Variants in CTTN observed in about 807,000 individuals in gnomAD.
CTTN encodes the protein src substrate cortactin.
A neutral mutation model predicts 84.0 loss-of-function variants in CTTN; 28 were observed. The ratio of observed to expected loss-of-function variants is 0.33; its 90% CI spans 0.25 to 0.46. The LOEUF (loss-of-function observed/expected upper bound fraction) is 0.46. Among genes scored for constraint, CTTN ranks in the 20% least tolerant of loss-of-function variants. The pLI is 1.00. For synonymous variants in CTTN, 301 were observed against 288.8 expected, an observed-to-expected ratio of 1.04 and a Z score of -0.43; for missense variants, 641 against 723.8, an observed-to-expected ratio of 0.89 and a Z score of 1.31.
chr11:70,409,989 G>A (rs750904376), intron 5 of CTTN, 29 bp downstream of exon 5: 6 of 1,613,186 alleles, frequency 3.7e-6, no homozygotes, highest in Middle Eastern at 1.6e-4. Context: ...CCTATGCCAG[G>A]CTCCTGGTGT....
At chr11:70,415,927 T>C (rs2058153124) in intron 7 of CTTN, 1 of 565,822 alleles carries the variant, frequency 1.8e-6, no homozygotes, top group Non-Finnish European at 3.2e-6. Context: ...ACATGATGGA[T>C]GTATTCCCCG....
chr11:70,421,410 C>A, intron 10 of CTTN, 60 bp from the exon 11 acceptor site: 1 of 1,255,794 alleles, frequency 8.0e-7, no homozygotes, highest in Non-Finnish European at 1.2e-6. Flanking sequence ...TCATGCAATT[C>A]TAACCCAACT....
chr11:70,421,993 A>G (rs547787256), intron 11 of CTTN: 18 of 214,062 alleles, frequency 8.4e-5, no homozygotes, highest in Non-Finnish European at 2.8e-5. Context: ...ACCACTGGCC[A>G]TTTGACCAGG....
chr11:70,406,008 G>A (rs893049279), intron 2 of CTTN, among the ~76,000 whole-genome samples: 2 of 152,220 alleles, frequency 1.3e-5, no homozygotes, highest in African/African-American at 2.4e-5. Context: ...AAATGGGCGC[G>A]TTGGGACAAG....
In CTTN at chr11:70,409,836, A is replaced by G. The variant is rs1045758838; in HGVS notation, c.167A>G (p.His56Arg). ...TTTTCATCTCTTCCATCAAGCATACACAAGCTGAGGGAGAATGTCTTTCAA... is the reference window on the plus strand; with the variant it reads ...TTTTCATCTCTTCCATCAAGCATACGCAAGCTGAGGGAGAATGTCTTTCAA... ...GSGHQEHINI[H>R]KLRENVFQEH... Residue 56 changes from histidine to arginine, a missense_variant, in exon 5 of 18, where the codon CAC becomes CGC. Around this residue, in one of 3 missense-constraint regions of CTTN, gnomAD observed 284 missense variants for 348.4 expected, o/e 0.82. Transcript: ENST00000301843. 1 of 1,614,118 alleles carries G rather than the reference A, an allele frequency of 6.2e-7. No individual in the cohort carries two copies. Among genetic ancestry groups the G allele is most frequent in the Non-Finnish European group, 8.5e-7 (1 of 1,179,978 alleles).
chr11:70,424,967 C>T (rs529075624), intron 12 of CTTN, among the ~76,000 whole-genome samples: 2 of 152,216 alleles, frequency 1.3e-5, no homozygotes, highest in African/African-American at 2.4e-5. Context: ...GTGTGTAGGA[C>T]GGGCCACTGG....
chr11:70,431,160 C>T, intron 14 of CTTN, 31 bp from the exon 15 acceptor site: 1 of 1,602,758 alleles, frequency 6.2e-7, no homozygotes, highest in African/African-American at 1.3e-5. Flanking sequence ...GTCATGGCAG[C>T]ATTCTGATTG....
chr11:70,426,252 A>C (rs2058299182), intron 13 of CTTN, among the ~76,000 whole-genome samples: 1 of 152,070 alleles, frequency 6.6e-6, no homozygotes, highest in Admixed American at 6.6e-5. Context: ...CTAAAAATAC[A>C]AAAACAAAAT....
chr11:70,422,415 A>G (rs2058247999), intron 11 of CTTN: 4 of 1,004,306 alleles, frequency 4.0e-6, no homozygotes, highest in South Asian at 1.3e-5. Context: ...TCACTGCTGC[A>G]TGACAGTGTG....
At chr11:70,405,855 G>A (rs781379347) in intron 2 of CTTN, among the ~76,000 whole-genome samples, 12 of 152,240 alleles carry the variant, frequency 7.9e-5, no homozygotes, top group African/African-American at 4.8e-5. Context: ...ATCCTTTCTT[G>A]CAGCCACCTT....
At chr11:70,420,047 T>TA in intron 9 of CTTN, 191 bp downstream of exon 9, 1 of 614,594 alleles carries the variant, frequency 1.6e-6, no homozygotes, top group Non-Finnish European at 2.9e-6. Flanking sequence ...GCTTGAGTGT[T>TA]ATGGCGCTCC....
intron 6 of CTTN, among the ~76,000 whole-genome samples, chr11:70,415,106 T>C (rs1463498186): frequency 2.0e-5 from 3 of 152,296 alleles, no homozygotes; most frequent in East Asian, 3.9e-4. Flanking sequence ...CTGTTGGCTC[T>C]TTTGTTTAAT....
Position 70,435,080 on chromosome 11 carries a change from T to C in CTTN, c.1571T>C (p.Met524Thr). 1 of 1,613,986 alleles carries C rather than the reference T, an allele frequency of 6.2e-7. No homozygotes were observed. The highest frequency in any genetic ancestry group is 1.1e-5 in the South Asian group (1 of 91,074). ...GATGACATCATCACCAACATCGAGA[T>C]GATTGACGACGGCTGGTGGCGCGGG... ...DPDDIITNIE[M>T]IDDGWWRGVC... The change falls in exon 18 of 18, where the codon ATG (methionine) becomes ACG (threonine). Residue 524 changes from methionine to threonine, a missense_variant. Physicochemically the swap from Met to Thr is moderately conservative, Grantham distance 81. Coordinates refer to ENST00000301843, the MANE Select transcript of CTTN (RefSeq NM_005231.4).
At chr11:70,426,163 T>C (rs1318305820) in intron 13 of CTTN, among the ~76,000 whole-genome samples, 2 of 152,150 alleles carry the variant, frequency 1.3e-5, no homozygotes, top group African/African-American at 4.8e-5. Context: ...ATCCCAGCAC[T>C]TTGGGAGGCC....
intron 11 of CTTN, 185 bp downstream of exon 11, chr11:70,421,765 A>G (rs1471451239): frequency 2.2e-5 from 13 of 593,042 alleles, no homozygotes; most frequent in Non-Finnish European, 3.0e-5. Flanking sequence ...TGAGTGGTTC[A>G]CTTTCTTCCC....
chr11:70,407,280 C>G lies in CTTN; in HGVS notation c.1-18C>G. On this transcript the variant is annotated intron_variant, in intron 2 of 17. Coordinates refer to ENST00000301843, the MANE Select transcript of CTTN (RefSeq NM_005231.4). ...GGCGCCCTGAGGCCTCCGTAACCCT[C>G]CCCGGCTGCTCTTTCAGATGTGGAA... 1 of 1,549,244 alleles carries G rather than the reference C, an allele frequency of 6.5e-7. No homozygotes were observed. Among genetic ancestry groups the G allele is most frequent in the South Asian group, 1.2e-5 (1 of 83,990 alleles).
chr11:70,402,772 A>G (rs955927738), intron 1 of CTTN, among the ~76,000 whole-genome samples: 2 of 152,196 alleles, frequency 1.3e-5, no homozygotes, highest in African/African-American at 2.4e-5. Flanking sequence ...GCTGCTATGA[A>G]TAGTGCTGTT....
Position 70,436,478 on chromosome 11 carries a change from GT to G in CTTN, c.*1320del. The G allele has an allele frequency of 7.4e-7, 1 of 1,356,998 alleles. No homozygotes were observed. Among genetic ancestry groups the G allele is most frequent in the Non-Finnish European group, 1.0e-6 (1 of 971,200 alleles). The allele number at this position is 1,356,998 out of a possible 1,614,324, so 84.1% of individuals were successfully genotyped here. A position where few individuals can be genotyped will look rare whatever the true frequency, so the allele number is the denominator to read the frequency against. The stretch of plus-strand genomic sequence containing the variant: ...TTACCACAATGAGCAATGAGGTCGG[GT>G]TTTATATGCAACTTATTGTATCTGA... On this transcript the variant is annotated 3_prime_UTR_variant, in exon 18 of 18. Transcript: ENST00000301843.
Position 70,436,169 on chromosome 11 carries a change from G to C in CTTN, c.*1007G>C. On this transcript the variant is annotated 3_prime_UTR_variant, in exon 18 of 18. Transcript: ENST00000301843. Reference sequence around the variant, plus strand: ...ATATCATGTTCAATTTCAGTAGTTTGATCAGTTGAAGGCTAGAAGTGTGAA... The same window carrying C: ...ATATCATGTTCAATTTCAGTAGTTTCATCAGTTGAAGGCTAGAAGTGTGAA... The C allele has an allele frequency of 1.3e-6, 2 of 1,482,542 alleles. No individual in the cohort carries two copies. Among genetic ancestry groups the C allele is most frequent in the Non-Finnish European group, 1.8e-6 (2 of 1,125,622 alleles). 91.8% of individuals were successfully genotyped at this position (1,482,542 alleles called of 1,614,324 possible).
Sources: gnomAD v4.1 joint callset for allele counts (sites outside exome capture counted in the v4.1 genomes callset) on GRCh38, gnomAD v4.1.1 for gene constraint, gnomAD v4.1.1 regional missense constraint, MANE v1.5 for transcripts, NCBI Gene and HGNC (gene_info 2026-07-23, HGNC 2026-07-21) for gene names.